The following CCDC80 variants were observed in gnomAD, a reference collection of about 807,000 sequenced individuals.
CCDC80 encodes coiled-coil domain containing 80.
A neutral mutation model predicts 78.7 loss-of-function variants in CCDC80; 49 were observed. The ratio of observed to expected loss-of-function variants is 0.62; its 90% CI spans 0.50 to 0.79. The LOEUF (loss-of-function observed/expected upper bound fraction) is 0.79, where lower values mean the gene tolerates loss of function less well. Ranked by LOEUF, CCDC80 falls within the 30% of genes least tolerant of loss-of-function variation. The pLI, the probability that CCDC80 is intolerant of heterozygous loss-of-function variation, is 0.00. For missense variants in CCDC80, 1,205 were observed against 1,198.6 expected (o/e 1.01, Z -0.08); for synonymous variants, 488 against 447.0 (o/e 1.09, Z -1.16).
Position 112,605,351 on chromosome 3 carries a change from G to C in CCDC80, c.*66C>G, listed in dbSNP as rs552220107. 18 of 1,093,336 alleles carry C rather than the reference G, an allele frequency of 1.6e-5. No homozygotes were observed. In the South Asian group the frequency reaches 2.4e-4, roughly 14 times the overall value. 67.7% of individuals were successfully genotyped at this position (1,093,336 alleles called of 1,614,324 possible). The stretch of plus-strand genomic sequence containing the variant: ...GTAGTACGCAGTGTGGAAGAATGGA[G>C]CTGGCCACATGTAGTTTTAGCAGCT... On this transcript the variant is annotated 3_prime_UTR_variant, in exon 8 of 8. Coordinates refer to ENST00000206423, the MANE Select transcript of CCDC80 (RefSeq NM_199511.3).
chr3:112,637,036 A>G (rs1936221686), intron 2 of CCDC80, among the ~76,000 whole-genome samples: 1 of 152,150 alleles, frequency 6.6e-6, no homozygotes, highest in South Asian at 2.1e-4. Flanking sequence ...CTGCCCTTAT[A>G]TTTGGCTCAC....
At chr3:112,606,364 G>A (rs1455301010) in intron 7 of CCDC80, among the ~76,000 whole-genome samples, 1 of 152,218 alleles carries the variant, frequency 6.6e-6, no homozygotes, top group African/African-American at 2.4e-5. Flanking sequence ...GAAAGGACTG[G>A]ATTTGCTTTC....
At chr3:112,637,443 C>T (rs560485617) in intron 2 of CCDC80, among the ~76,000 whole-genome samples, 7 of 152,284 alleles carry the variant, frequency 4.6e-5, no homozygotes, top group African/African-American at 1.7e-4. Context: ...CTCTTCTCTA[C>T]TCTCAGTCAT....
chr3:112,621,238 A>G (rs1180988500), intron 3 of CCDC80, among the ~76,000 whole-genome samples: 1 of 152,198 alleles, frequency 6.6e-6, no homozygotes, highest in Non-Finnish European at 1.5e-5. Context: ...CACAAGCAGA[A>G]GCTAGAAATG....
In CCDC80 at chr3:112,605,735, T is replaced by G; in HGVS notation, c.2535A>C (p.Val845=). Residue 845 remains valine (V), a synonymous_variant, in exon 8 of 8, where the codon GTA becomes GTC. Coordinates refer to ENST00000206423, the MANE Select transcript of CCDC80 (RefSeq NM_199511.3). ...GAATGTCTTTCACCAAATGGGCTGG[T>G]ACGTCTTCTCGCTCAACAACAGAGC... The part of the protein sequence containing the change: ...NGSSVVERED[V]PAHLVKDIRN... The G allele has an allele frequency of 6.2e-7, 1 of 1,614,138 alleles. No individual in the cohort carries two copies. The highest frequency in any genetic ancestry group is 1.7e-5 in the Admixed American group (1 of 60,032).
chr3:112,601,598 G>A lies in CCDC80; in HGVS notation c.*3819C>T, dbSNP rs1935375100. 1 of 151,380 alleles carries A rather than the reference G, an allele frequency of 6.6e-6. No homozygotes were observed. The highest frequency in any genetic ancestry group is 3.4e-3 in the Middle Eastern group (1 of 294). 9.4% of individuals were successfully genotyped at this position (151,380 alleles called of 1,614,324 possible). A position where few individuals can be genotyped will look rare whatever the true frequency, so the allele number is the denominator to read the frequency against. ...CTTGGGATGCTGAGGTGGGAGGATT[G>A]TTTGAGGGAAGCTGAGTTTGCAGTG... On this transcript the variant is annotated 3_prime_UTR_variant, in exon 8 of 8. Coordinates refer to ENST00000206423, the MANE Select transcript of CCDC80 (RefSeq NM_199511.3).
At chr3:112,631,323 G>A (rs1197928298) in intron 2 of CCDC80, among the ~76,000 whole-genome samples, 1 of 152,122 alleles carries the variant, frequency 6.6e-6, no homozygotes, top group African/African-American at 2.4e-5. Flanking sequence ...TGCTTACCTT[G>A]GAGGTGGGAG....
At position 112,619,062 on chromosome 3, in the gene CCDC80, A is replaced by G. The variant is rs1390278041; in HGVS notation, c.2078T>C (p.Val693Ala). Residue 693 changes from valine to alanine, a missense_variant, in exon 4 of 8, where the codon GTA becomes GCA. Physicochemically the swap from Val to Ala is moderately conservative, Grantham distance 64. Coordinates refer to ENST00000206423, the MANE Select transcript of CCDC80 (RefSeq NM_199511.3). ...CAGCTCGCTGATGAGACGCTGGTCT[A>G]CCAAGTCTTCATCATCCACCACTCG... ...PMRVVDDEDLVDQRLISELRK... is the reference protein window; with the variant it reads ...PMRVVDDEDLADQRLISELRK... The G allele has an allele frequency of 1.9e-6, 3 of 1,607,202 alleles. No homozygotes were observed. Among genetic ancestry groups the G allele is most frequent in the Non-Finnish European group, 1.7e-6 (2 of 1,177,952 alleles).
intron 4 of CCDC80, 148 bp downstream of exon 4, chr3:112,618,820 C>T (rs572615069): frequency 3.2e-5 from 24 of 758,992 alleles, no homozygotes; most frequent in Admixed American, 2.8e-4. Flanking sequence ...ATTCGTAGGA[C>T]AACATGGAAA....
At chr3:112,624,171 T>C (rs1477885712) in intron 3 of CCDC80, among the ~76,000 whole-genome samples, 1 of 152,226 alleles carries the variant, frequency 6.6e-6, no homozygotes, top group Non-Finnish European at 1.5e-5. Context: ...CACACTTTCC[T>C]TTGATCTTGT....
chr3:112,638,515 C>T lies in CCDC80; in HGVS notation c.1391G>A (p.Arg464Gln), dbSNP rs776851723. Residue 464 changes from arginine (R) to glutamine (Q), a missense_variant, in exon 2 of 8, where the codon CGG becomes CAG. Arg to Gln is a conservative substitution (Grantham distance 43). Coordinates refer to ENST00000206423, the MANE Select transcript of CCDC80 (RefSeq NM_199511.3). ...STRAAGPGRFRDNRMDRREHG... is the reference protein window; with the variant it reads ...STRAAGPGRFQDNRMDRREHG... ...TTCCCGCCTGTCCATGCGGTTGTCCCGGAAACGGCCTGGGCCAGCAGCCCT... is the reference window on the plus strand; with the variant it reads ...TTCCCGCCTGTCCATGCGGTTGTCCTGGAAACGGCCTGGGCCAGCAGCCCT... The T allele has an allele frequency of 1.2e-5, 19 of 1,613,986 alleles. No homozygotes were observed. The highest frequency in any genetic ancestry group is 6.7e-5 in the Admixed American group (4 of 60,004).
chr3:112,639,129 C>T lies in CCDC80; in HGVS notation c.777G>A (p.Glu259=), dbSNP rs1263836530. The T allele has an allele frequency of 6.2e-7, 1 of 1,614,162 alleles. No individual in the cohort carries two copies. Among genetic ancestry groups the T allele is most frequent in the Non-Finnish European group, 8.5e-7 (1 of 1,180,024 alleles). ...TACGGATGGGGCCTTGGTCGATGACCTCGTACATGGCTTCCAGCCTAACGG... is the reference window on the plus strand; with the variant it reads ...TACGGATGGGGCCTTGGTCGATGACTTCGTACATGGCTTCCAGCCTAACGG... ...PYPVRLEAMY[E]VIDQGPIRRI... Residue 259 remains glutamate (E), a synonymous_variant, in exon 2 of 8, where the codon GAG becomes GAA. Coordinates refer to ENST00000206423, the MANE Select transcript of CCDC80 (RefSeq NM_199511.3).
At chr3:112,619,928 G>A (rs1302390594) in intron 3 of CCDC80, among the ~76,000 whole-genome samples, 4 of 152,174 alleles carry the variant, frequency 2.6e-5, no homozygotes, top group African/African-American at 9.6e-5. Flanking sequence ...ACAAGTCACA[G>A]TATATCTCTC....
At position 112,638,487 on chromosome 3, in the gene CCDC80, A is replaced by G. The variant is rs1408998487; in HGVS notation, c.1419T>C (p.His473=). The G allele has an allele frequency of 6.2e-7, 1 of 1,604,938 alleles. No homozygotes were observed. The highest frequency in any genetic ancestry group is 1.4e-5 in the African/African-American group (1 of 72,344). Residue 473 remains histidine (H), a synonymous_variant, in exon 2 of 8, where the codon CAT becomes CAC. Coordinates refer to ENST00000206423, the MANE Select transcript of CCDC80 (RefSeq NM_199511.3). ...GCACCACATTTGGGTCTCGGTGGCC[A>G]TGTTCCCGCCTGTCCATGCGGTTGT... ...FRDNRMDRRE[H]GHRDPNVVPG...
chr3:112,638,459 C>T lies in CCDC80; in HGVS notation c.1447G>A (p.Gly483Ser). 6.2e-7 allele frequency: 1 copy of T among 1,613,368 alleles called. No homozygotes were observed. Among genetic ancestry groups the T allele is most frequent in the Non-Finnish European group, 8.5e-7 (1 of 1,179,900 alleles). The change falls in exon 2 of 8, where the codon GGT becomes AGT. Residue 483 changes from glycine (G) to serine (S), a missense_variant. Transcript: ENST00000206423. Reference sequence around the variant, plus strand: ...TTCTCCTTTGCTGGCTTGGGAGGACCTGGCACCACATTTGGGTCTCGGTGG... The same window carrying T: ...TTCTCCTTTGCTGGCTTGGGAGGACTTGGCACCACATTTGGGTCTCGGTGG... ...HGHRDPNVVP[G>S]PPKPAKEKPP...
rs1935475027 is a variant in CCDC80 at position 112,605,795 on chromosome 3, A to T, written c.2507-32T>A. The T allele has an allele frequency of 2.6e-6, 4 of 1,551,444 alleles. No homozygotes were observed. The South Asian group carries it at 4.7e-5, about 18-fold the overall frequency. On this transcript the variant is annotated intron_variant, in intron 7 of 7. Coordinates refer to ENST00000206423, the MANE Select transcript of CCDC80 (RefSeq NM_199511.3). The stretch of plus-strand genomic sequence containing the variant: ...TAACATTGGAATAGTTATTGTTAGT[A>T]GATTAAACAGTCAGAGCCCATGAAA...
rs1935332340 is a variant in CCDC80 at position 112,599,099 on chromosome 3, A to G, written c.*6318T>C. On this transcript the variant is annotated 3_prime_UTR_variant, in exon 8 of 8. Coordinates refer to ENST00000206423, the MANE Select transcript of CCDC80 (RefSeq NM_199511.3). ...CACAAACTTAGGAACTTAGGTATCT[A>G]GTCTTCTCTGTCATTTTGTAATGAG... The G allele has an allele frequency of 6.6e-6, 1 of 152,184 alleles. No individual in the cohort carries two copies. Among genetic ancestry groups the G allele is most frequent in the Non-Finnish European group, 1.5e-5 (1 of 68,054 alleles). 9.4% of individuals were successfully genotyped at this position (152,184 alleles called of 1,614,324 possible). A position where few individuals can be genotyped will look rare whatever the true frequency, so the allele number is the denominator to read the frequency against.
rs140716861 is a variant in CCDC80 at position 112,627,227 on chromosome 3, A to C, written c.2035+2886T>G. On this transcript the variant is annotated intron_variant, in intron 3 of 7. Coordinates refer to ENST00000206423, the MANE Select transcript of CCDC80 (RefSeq NM_199511.3). ...TGTAATCCATTCACTAAACATACAC[A>C]CCCAACATTCCTATCCTAGACTGAC... Among the ~76,000 whole-genome samples the C allele has an allele frequency of 2.0e-3, 307 of 152,270 alleles. 1 individual carries two copies. The highest frequency in any genetic ancestry group is 6.9e-3 in the African/African-American group (285 of 41,562).
intron 2 of CCDC80, among the ~76,000 whole-genome samples, chr3:112,633,308 C>T (rs1936135572): frequency 6.6e-6 from 1 of 152,164 alleles, no homozygotes; most frequent in Non-Finnish European, 1.5e-5. Flanking sequence ...ACCTCAGAAA[C>T]CTGCCCCCGC....
Sources: gnomAD v4.1 joint callset for allele counts (sites outside exome capture counted in the v4.1 genomes callset) on GRCh38, gnomAD v4.1.1 for gene constraint, MANE v1.5 for transcripts, NCBI Gene and HGNC (gene_info 2026-07-23, HGNC 2026-07-21) for gene names.